The following NOS1AP variants were observed in gnomAD, a reference collection of about 807,000 sequenced individuals.
NOS1AP encodes the protein carboxyl-terminal PDZ ligand of neuronal nitric oxide synthase protein.
NOS1AP carries 21 observed loss-of-function variants against 56.2 expected under a neutral mutation model. The ratio of observed to expected loss-of-function variants is 0.37; its 90% confidence interval spans 0.26 to 0.54. NOS1AP has a LOEUF of 0.54. Among genes scored for constraint, NOS1AP ranks in the 20% least tolerant of loss-of-function variants. The probability of loss-of-function intolerance (pLI) is 0.84; values close to 1 mark genes in which losing one functional copy is unlikely to be tolerated. For synonymous variants in NOS1AP, 270 were observed against 274.6 expected, an observed-to-expected ratio of 0.98 and a Z score of 0.17; for missense variants, 522 against 657.8, an observed-to-expected ratio of 0.79 and a Z score of 2.26.
intron 1 of NOS1AP, among the ~76,000 whole-genome samples, chr1:162,144,503 G>A (rs1352286021): frequency 1.3e-5 from 2 of 152,202 alleles, no homozygotes; most frequent in Non-Finnish European, 2.9e-5. Flanking sequence ...CCTGATACAG[G>A]TGATGATTTT....
chr1:162,116,888 A>G (rs1647980891), intron 1 of NOS1AP, among the ~76,000 whole-genome samples: 1 of 152,138 alleles, frequency 6.6e-6, no homozygotes, highest in Admixed American at 6.5e-5. Flanking sequence ...TCTCTGCAAT[A>G]TTCTTTGATG....
intron 2 of NOS1AP, among the ~76,000 whole-genome samples, chr1:162,278,124 A>G (rs1043813209): frequency 1.3e-5 from 2 of 152,104 alleles, no homozygotes; most frequent in African/African-American, 2.4e-5. Context: ...TGCTTCTGGG[A>G]TTGACCTGGC....
intron 2 of NOS1AP, among the ~76,000 whole-genome samples, chr1:162,165,559 G>A (rs1650450617): frequency 6.6e-6 from 1 of 152,192 alleles, no homozygotes; most frequent in Admixed American, 6.5e-5. Flanking sequence ...ATAGCTCGCA[G>A]AGGTGGTAAG....
rs1196067592 is a variant in NOS1AP, at chr1:162,356,982, T to C, written c.785T>C (p.Met262Thr). ...CAGGTTTCGCACCCCCAGGAGCCCA[T>C]GCTGACAGCCTCACCCAGGATGCTG... Reference protein sequence around the residue: ...GSKVSHPQEPMLTASPRMLLP... With the variant: ...GSKVSHPQEPTLTASPRMLLP... The change falls in exon 8 of 10, where the codon ATG (methionine) becomes ACG (threonine). Residue 262 changes from methionine (M) to threonine (T), a missense_variant. By Grantham distance (81) the Met-to-Thr change is moderately conservative. Coordinates refer to ENST00000361897, the MANE Select transcript of NOS1AP (RefSeq NM_014697.3). The C allele has an allele frequency of 6.2e-7, 1 of 1,614,140 alleles. No homozygotes were observed.
intron 5 of NOS1AP, among the ~76,000 whole-genome samples, chr1:162,337,083 G>T (rs909700142): frequency 6.6e-6 from 1 of 152,184 alleles, no homozygotes; most frequent in Non-Finnish European, 1.5e-5. Flanking sequence ...GACCTCTCCC[G>T]TGGAGTGGAT....
At chr1:162,164,015 G>A (rs1006821287) in intron 2 of NOS1AP, among the ~76,000 whole-genome samples, 3 of 152,150 alleles carry the variant, frequency 2.0e-5, no homozygotes, top group Non-Finnish European at 4.4e-5. Context: ...AGAGCCAGGA[G>A]TTGTTGTCAA....
chr1:162,131,296 C>T (rs913738442), intron 1 of NOS1AP, among the ~76,000 whole-genome samples: 3 of 151,560 alleles, frequency 2.0e-5, no homozygotes, highest in South Asian at 2.1e-4. Flanking sequence ...AGCCTCTTTC[C>T]GTGGGAAATC....
At chr1:162,198,523 G>C (rs970853788) in intron 2 of NOS1AP, among the ~76,000 whole-genome samples, 1 of 152,162 alleles carries the variant, frequency 6.6e-6, no homozygotes, top group Admixed American at 6.5e-5. Context: ...ATCTGAAAAC[G>C]ATGCAGGGTC....
At chr1:162,252,427 G>C (rs1455309175) in intron 2 of NOS1AP, among the ~76,000 whole-genome samples, 1 of 152,186 alleles carries the variant, frequency 6.6e-6, no homozygotes, top group Non-Finnish European at 1.5e-5. Context: ...GGCATGCACA[G>C]TTATCTCTGC....
At chr1:162,125,574 G>T (rs905178960) in intron 1 of NOS1AP, among the ~76,000 whole-genome samples, 7 of 152,034 alleles carry the variant, frequency 4.6e-5, no homozygotes. Context: ...GTTGAAACTT[G>T]GTTGGTTGTA....
intron 2 of NOS1AP, among the ~76,000 whole-genome samples, chr1:162,251,066 T>C (rs993616640): frequency 6.6e-6 from 1 of 151,026 alleles, no homozygotes; most frequent in African/African-American, 2.4e-5. Context: ...TCCTGAGCTT[T>C]TTTGTTTGTT....
At chr1:162,136,444 C>T (rs1166488406) in intron 1 of NOS1AP, among the ~76,000 whole-genome samples, 1 of 152,120 alleles carries the variant, frequency 6.6e-6, no homozygotes, top group African/African-American at 2.4e-5. Context: ...TGCAAGACAT[C>T]ATTCTTTTCT....
At chr1:162,310,487 G>A (rs745765754) in intron 4 of NOS1AP, among the ~76,000 whole-genome samples, 3 of 152,304 alleles carry the variant, frequency 2.0e-5, no homozygotes, top group Admixed American at 6.5e-5. Context: ...CCCATCTGGC[G>A]GATATGAGTG....
At chr1:162,201,726 G>A (rs1295147570) in intron 2 of NOS1AP, among the ~76,000 whole-genome samples, 1 of 152,078 alleles carries the variant, frequency 6.6e-6, no homozygotes, top group Non-Finnish European at 1.5e-5. Context: ...TTTTCCATAT[G>A]TTTGTCCTGC....
chr1:162,269,513 G>T lies in NOS1AP; in HGVS notation c.178-17831G>T, dbSNP rs1350313532. On this transcript the variant is annotated intron_variant, in intron 2 of 9. Transcript: ENST00000361897. ...TTGAAAATTAATCTTAATGTAATTGGTTGCAACTGAATATCTTCCTGATCA... is the reference window on the plus strand; with the variant it reads ...TTGAAAATTAATCTTAATGTAATTGTTTGCAACTGAATATCTTCCTGATCA... Among the ~76,000 whole-genome samples the T allele has an allele frequency of 3.3e-5, 5 of 152,140 alleles. No homozygotes were observed. In the South Asian group the frequency reaches 8.3e-4, roughly 25 times the overall value.
chr1:162,073,096 GCA>G (rs2102007977), intron 1 of NOS1AP, among the ~76,000 whole-genome samples: 2 of 152,298 alleles, frequency 1.3e-5, no homozygotes, highest in African/African-American at 4.8e-5. Context: ...GAGGTTCTGT[GCA>G]CTTAAAAACC....
At chr1:162,289,249 CTT>C (rs1187287200) in intron 3 of NOS1AP, among the ~76,000 whole-genome samples, 9 of 74,828 alleles carry the variant, frequency 1.2e-4, no homozygotes, top group Admixed American at 1.0e-3. Flanking sequence ...TCCTTCCTTC[CTT>C]CCTTCCTTCC....
At chr1:162,296,051 C>T (rs1655447440) in intron 3 of NOS1AP, among the ~76,000 whole-genome samples, 1 of 152,042 alleles carries the variant, frequency 6.6e-6, no homozygotes, top group Non-Finnish European at 1.5e-5. Flanking sequence ...CTTTGGGAGG[C>T]CGAGGCAGGC....
Position 162,355,184 on chromosome 1 carries a change from C to T in NOS1AP, c.596-3C>T, listed in dbSNP as rs778255594. 9.3e-6 allele frequency: 15 copies of T among 1,613,982 alleles called. No homozygotes were observed. Among genetic ancestry groups the T allele is most frequent in the Non-Finnish European group, 1.3e-5 (15 of 1,180,028 alleles). On this transcript the variant is annotated splice_region_variant and splice_polypyrimidine_tract_variant and intron_variant, in intron 6 of 9. Coordinates refer to ENST00000361897, the MANE Select transcript of NOS1AP (RefSeq NM_014697.3). ...TTCCCTCCCTCCCCTGTTGTTCCTGCAGGCCGCCAGCTCACTGGAGCCGAG... is the reference window on the plus strand; with the variant it reads ...TTCCCTCCCTCCCCTGTTGTTCCTGTAGGCCGCCAGCTCACTGGAGCCGAG...
Sources: allele counts gnomAD v4.1 joint callset (sites outside exome capture counted in the v4.1 genomes callset), GRCh38; gene constraint gnomAD v4.1.1; transcripts MANE v1.5; gene names NCBI Gene and HGNC (gene_info 2026-07-23, HGNC 2026-07-21).